The following TRIOBP variants were observed in gnomAD, a reference collection of about 807,000 sequenced individuals.
TRIOBP encodes the protein TRIO and F-actin-binding protein.
TRIOBP carries 169 observed loss-of-function variants against 238.8 expected under a neutral mutation model. The ratio of observed to expected loss-of-function variants is 0.71; its 90% CI spans 0.62 to 0.80. The LOEUF (loss-of-function observed/expected upper bound fraction) is 0.80. Ranked by LOEUF, TRIOBP falls within the 30% of genes least tolerant of loss-of-function variation. TRIOBP has a pLI of 0.00. For synonymous variants in TRIOBP, 1,150 were observed against 1,274.4 expected (o/e 0.90, Z 2.08); for missense variants, 2,838 against 3,122.6 (o/e 0.91, Z 2.17).
chr22:37,742,214 C>G (rs1601644641), intron 11 of TRIOBP, among the ~76,000 whole-genome samples: 1 of 150,570 alleles, frequency 6.6e-6, no homozygotes, highest in East Asian at 1.9e-4. Flanking sequence ...CCACCTTGAC[C>G]TCCAAAGTGC....
intron 18 of TRIOBP, among the ~76,000 whole-genome samples, chr22:37,767,556 C>G (rs183450109): frequency 6.6e-6 from 1 of 152,196 alleles, no homozygotes; most frequent in Non-Finnish European, 1.5e-5. Context: ...CTGTTGTTAT[C>G]GATCCCTGTT....
chr22:37,759,935 A>T, intron 17 of TRIOBP: 2 of 252,610 alleles, frequency 7.9e-6, no homozygotes, highest in Non-Finnish European at 1.4e-5. Flanking sequence ...ACAAATAAAA[A>T]TATATAATTT....
intron 3 of TRIOBP, 99 bp downstream of exon 3, chr22:37,701,578 C>A (rs1040447233): frequency 3.6e-6 from 3 of 832,404 alleles, no homozygotes; most frequent in Non-Finnish European, 6.1e-6. Context: ...AACCCAGATG[C>A]TGGACTTCCT....
intron 4 of TRIOBP, 134 bp from the exon 5 acceptor site, chr22:37,713,076 C>A: frequency 1.4e-6 from 1 of 706,110 alleles, no homozygotes; most frequent in Non-Finnish European, 2.4e-6. Context: ...ACAGAGGCAG[C>A]TCTCACCATT....
intron 10 of TRIOBP, among the ~76,000 whole-genome samples, chr22:37,740,056 G>C (rs1431911839): frequency 6.6e-6 from 1 of 152,226 alleles, no homozygotes; most frequent in Non-Finnish European, 1.5e-5. Flanking sequence ...AAAGAGTTCA[G>C]TCTAGTGAGA....
At chr22:37,713,694 G>A (rs1601623385) in intron 5 of TRIOBP, among the ~76,000 whole-genome samples, 2 of 152,324 alleles carry the variant, frequency 1.3e-5, no homozygotes, top group Admixed American at 1.3e-4. Context: ...GGCTCGGGCT[G>A]CCACATGCTC....
chr22:37,723,477 G>A lies in TRIOBP; in HGVS notation c.921G>A (p.Gln307=), dbSNP rs766282260. ...TCTCCAGGGCCTCATCCACCCAACA[G>A]GAAACCTCCAGGGCCTCATCCACCC... ...QEISRASSTQ[Q]ETSRASSTQE... Residue 307 remains glutamine (Q), a synonymous_variant, in exon 7 of 24, where the codon CAG becomes CAA. Coordinates refer to ENST00000644935, the MANE Select transcript of TRIOBP (RefSeq NM_001039141.3). The A allele has an allele frequency of 6.2e-7, 1 of 1,612,796 alleles. No homozygotes were observed. The highest frequency in any genetic ancestry group is 8.5e-7 in the Non-Finnish European group (1 of 1,179,662).
chr22:37,760,497 G>C (rs1409912910), intron 17 of TRIOBP, among the ~76,000 whole-genome samples: 2 of 152,176 alleles, frequency 1.3e-5, no homozygotes, highest in Admixed American at 1.3e-4. Flanking sequence ...CCAAGAGCAC[G>C]CATAATACAA....
Position 37,701,475 on chromosome 22 carries a change from A to G in TRIOBP, c.110A>G (p.Tyr37Cys), listed in dbSNP as rs1166006728. 8 of 1,609,684 alleles carry G rather than the reference A, an allele frequency of 5.0e-6. No homozygotes were observed. Among genetic ancestry groups the G allele is most frequent in the Non-Finnish European group, 5.9e-6 (7 of 1,178,142 alleles). Residue 37 changes from tyrosine (Y) to cysteine (C), a missense_variant, in exon 3 of 24, where the codon TAC becomes TGC. Tyr to Cys is a radical substitution (Grantham distance 194). Transcript: ENST00000644935. ...FHPEEAHGAR[Y>C]QELRSPSGAE... ...CCTGAGGAGGCCCATGGAGCAAGAT[A>G]CCAGGTGGGCCAGTTTTCCACGTGG...
intron 17 of TRIOBP, among the ~76,000 whole-genome samples, chr22:37,762,771 G>A (rs946408297): frequency 2.6e-5 from 4 of 152,136 alleles, no homozygotes; most frequent in Non-Finnish European, 4.4e-5. Context: ...ATGGAAATTC[G>A]GTGGACCTGG....
chr22:37,698,072 T>C (rs915444011), intron 2 of TRIOBP, among the ~76,000 whole-genome samples: 7 of 151,320 alleles, frequency 4.6e-5, no homozygotes, highest in African/African-American at 1.7e-4. Context: ...TGGTGGCACA[T>C]GCCTGTAATC....
intron 23 of TRIOBP, 103 bp downstream of exon 23, chr22:37,772,867 C>A: frequency 7.2e-7 from 1 of 1,389,228 alleles, no homozygotes; most frequent in Non-Finnish European, 9.9e-7. Flanking sequence ...CTTCTTCTGG[C>A]CTCCAATTCC....
Position 37,726,136 on chromosome 22 carries a change from A to C in TRIOBP, c.3580A>C (p.Thr1194Pro), listed in dbSNP as rs1188690927. The C allele has an allele frequency of 6.5e-7, 1 of 1,549,090 alleles. No homozygotes were observed. Among genetic ancestry groups the C allele is most frequent in the East Asian group, 2.7e-5 (1 of 37,434 alleles). ...CCTCTTCTTCCAGGATCCCCCTGGA[A>C]CTAGTATGGAGAGCCTGGCCCCCTC... ...PSLFFQDPPG[T>P]SMESLAPSTD... is the part of the protein sequence containing the mutation. The change falls in exon 7 of 24, where the codon ACT (threonine) becomes CCT (proline). Residue 1194 changes from threonine to proline, a missense_variant. Around this residue, in one of 5 missense-constraint regions of TRIOBP, gnomAD observed 2,096 missense variants for 2,137.4 expected, o/e 0.98. Transcript: ENST00000644935.
In TRIOBP at chr22:37,723,897, AC is replaced by A. The variant is rs1471070334; in HGVS notation, c.1342del (p.Arg448GlufsTer431). On this transcript the variant is annotated frameshift_variant, in exon 7 of 24. Transcript: ENST00000644935. LOFTEE classifies it high-confidence loss of function. ...PRASSPSRATRDNPTTSCAQR... is the reference protein window; with the variant it reads ...PRASSPSRATXDNPTTSCAQR... ...GAGCCTCCTCTCCCAGTAGAGCTAC[AC>A]GAGACAACCCCACAACATCCTGTGC... 2.5e-6 allele frequency: 4 copies of A among 1,576,290 alleles called. No individual in the cohort carries two copies. In the Admixed American group the frequency reaches 5.3e-5, roughly 21 times the overall value.
Position 37,751,785 on chromosome 22 carries a change from A to C in TRIOBP, c.5336A>C (p.Asn1779Thr). The C allele has an allele frequency of 5.0e-6, 8 of 1,614,118 alleles. No homozygotes were observed. Among genetic ancestry groups the C allele is most frequent in the Non-Finnish European group, 6.8e-6 (8 of 1,180,002 alleles). Reference sequence around the variant, plus strand: ...ATCTCCCCACAGCCCGATCTGCTCAACTTCAAGAAGGGATGGATGTCGATC... The same window carrying C: ...ATCTCCCCACAGCCCGATCTGCTCACCTTCAAGAAGGGATGGATGTCGATC... ...VLRWRRPDLL[N>T]FKKGWMSILD... Residue 1779 changes from asparagine (N) to threonine (T), a missense_variant, in exon 12 of 24, where the codon AAC becomes ACC. Around this residue, in one of 5 missense-constraint regions of TRIOBP, gnomAD observed 2,096 missense variants for 2,137.4 expected, o/e 0.98. Transcript: ENST00000644935.
chr22:37,771,557 G>C, intron 21 of TRIOBP, 93 bp from the exon 22 acceptor site: 2 of 1,114,846 alleles, frequency 1.8e-6, no homozygotes, highest in Admixed American at 3.4e-5. Context: ...CATTCTAGGG[G>C]CCTGAGGCAG....
chr22:37,767,824 A>AATAG, intron 18 of TRIOBP, among the ~76,000 whole-genome samples: 1 of 152,270 alleles, frequency 6.6e-6, no homozygotes, highest in East Asian at 1.9e-4. Flanking sequence ...ATCTTCCCTT[A>AATAG]ATAGATGGGC....
chr22:37,700,256 G>GTTC (rs773327209), intron 2 of TRIOBP, among the ~76,000 whole-genome samples: 25 of 146,224 alleles, frequency 1.7e-4, no homozygotes, highest in Non-Finnish European at 3.6e-4. Context: ...AGAGAGAAAG[G>GTTC]GGAATCTAGA....
intron 16 of TRIOBP, 148 bp downstream of exon 16, chr22:37,758,286 G>A (rs552411833): frequency 1.2e-4 from 131 of 1,079,468 alleles, no homozygotes; most frequent in African/African-American, 1.2e-3. Flanking sequence ...ACACTCCTGC[G>A]AACTAGAATC....
Sources: allele counts gnomAD v4.1 joint callset (sites outside exome capture counted in the v4.1 genomes callset), GRCh38; gene constraint gnomAD v4.1.1; regional missense constraint gnomAD v4.1.1; transcripts MANE v1.5; gene names NCBI Gene and HGNC (gene_info 2026-07-23, HGNC 2026-07-21).